RBFOX1: variants seen among roughly 807,000 people sequenced by gnomAD.
RBFOX1 encodes the protein RNA binding protein fox-1 homolog 1.
Under a neutral mutation model 57.7 loss-of-function variants are expected in RBFOX1, and 8 were observed. The ratio of observed to expected loss-of-function variants is 0.14; its 90% CI spans 0.08 to 0.25. The LOEUF (loss-of-function observed/expected upper bound fraction) is 0.25. Among genes scored for constraint, RBFOX1 ranks in the 10% least tolerant of loss-of-function variants. RBFOX1 has a pLI of 1.00. For missense variants in RBFOX1, 611 were observed against 548.5 expected, an observed-to-expected ratio of 1.11 and a Z score of -1.14; for synonymous variants, 326 against 222.4, an observed-to-expected ratio of 1.47 and a Z score of -4.15.
At chr16:6,156,689 C>T (rs1030403036) in intron 1 of RBFOX1, among the ~76,000 whole-genome samples, 1 of 152,174 alleles carries the variant, frequency 6.6e-6, no homozygotes, top group African/African-American at 2.4e-5. Flanking sequence ...AACTCTGCCA[C>T]TGACCTGAGT....
At chr16:6,924,506 C>T (rs1024019079) in intron 3 of RBFOX1, among the ~76,000 whole-genome samples, 1 of 152,032 alleles carries the variant, frequency 6.6e-6, no homozygotes, top group Admixed American at 6.6e-5. Flanking sequence ...CAAATATTTC[C>T]CTCCAGGCCC....
chr16:6,222,015 C>G (rs78384328), intron 1 of RBFOX1, among the ~76,000 whole-genome samples: 1 of 152,160 alleles, frequency 6.6e-6, no homozygotes, highest in East Asian at 1.9e-4. Flanking sequence ...CCTCATGTCA[C>G]TTTTTAATGA....
In RBFOX1 at chr16:7,149,730, C is replaced by T. The variant is rs148909942; in HGVS notation, c.27+97632C>T. ...CTTATCCTCCTGTGGCTCTTTCCTT[C>T]CCTCTCTACACCCGCCTCTACCCCA... On this transcript the variant is annotated intron_variant, in intron 4 of 15. Coordinates refer to ENST00000550418, the MANE Select transcript of RBFOX1 (RefSeq NM_018723.4). Among the ~76,000 whole-genome samples, 208 of 152,106 alleles carry T rather than the reference C, an allele frequency of 1.4e-3. 1 individual carries two copies. The highest frequency in any genetic ancestry group is 2.6e-3 in the Admixed American group (39 of 15,262).
intron 3 of RBFOX1, among the ~76,000 whole-genome samples, chr16:6,882,203 A>C (rs557340579): frequency 6.6e-6 from 1 of 152,076 alleles, no homozygotes; most frequent in Non-Finnish European, 1.5e-5. Flanking sequence ...TTGGTCCAGC[A>C]ACACTGGGCA....
At chr16:7,371,712 T>C (rs919749501) in intron 4 of RBFOX1, among the ~76,000 whole-genome samples, 1 of 152,124 alleles carries the variant, frequency 6.6e-6, no homozygotes, top group Admixed American at 6.5e-5. Context: ...ATCACGCCAC[T>C]GCACTCCAGC....
chr16:5,750,989 G>C (rs759049553), intron 3 of RBFOX1, among the ~76,000 whole-genome samples: 8 of 152,130 alleles, frequency 5.3e-5, no homozygotes, highest in Non-Finnish European at 1.0e-4. Context: ...TTCCTATTCG[G>C]CAATCTTGGA....
At chr16:6,550,128 C>T (rs56249491) in intron 2 of RBFOX1, among the ~76,000 whole-genome samples, 12,444 of 151,950 alleles carry the variant, frequency 0.082, 1,256 homozygotes, top group African/African-American at 0.24. Context: ...GTTTGGAGTC[C>T]CTCTCCCTCC....
chr16:7,433,108 G>A (rs2098695198), intron 4 of RBFOX1, among the ~76,000 whole-genome samples: 1 of 152,162 alleles, frequency 6.6e-6, no homozygotes, highest in African/African-American at 2.4e-5. Context: ...TGGGGTTGGT[G>A]TGCCCATTGA....
At chr16:6,225,728 A>G (rs756227765) in intron 1 of RBFOX1, among the ~76,000 whole-genome samples, 22 of 152,200 alleles carry the variant, frequency 1.4e-4, no homozygotes, top group Non-Finnish European at 2.9e-4. Flanking sequence ...TTGGTTTTCA[A>G]GTAATGTGGG....
intron 2 of RBFOX1, among the ~76,000 whole-genome samples, chr16:6,340,076 T>G (rs916453576): frequency 2.6e-5 from 4 of 152,170 alleles, no homozygotes; most frequent in South Asian, 4.1e-4. Flanking sequence ...CTAGTGACTT[T>G]CAGTTAGAAG....
At chr16:7,216,458 C>T (rs1446849076) in intron 4 of RBFOX1, among the ~76,000 whole-genome samples, 1 of 152,094 alleles carries the variant, frequency 6.6e-6, no homozygotes, top group Non-Finnish European at 1.5e-5. Context: ...AGTTCTAGAC[C>T]AGTCTGGGAG....
At chr16:6,088,967 A>G (rs1232422387) in intron 1 of RBFOX1, among the ~76,000 whole-genome samples, 2 of 151,794 alleles carry the variant, frequency 1.3e-5, no homozygotes, top group Non-Finnish European at 2.9e-5. Flanking sequence ...GTGGTGGCGC[A>G]TGCCTGTAAT....
intron 2 of RBFOX1, among the ~76,000 whole-genome samples, chr16:6,522,381 T>C (rs2153804630): frequency 6.6e-6 from 1 of 152,320 alleles, no homozygotes; most frequent in East Asian, 1.9e-4. Context: ...GATTAATTTT[T>C]ACCCAAGCTG....
At chr16:6,816,284 G>C (rs765168913) in intron 3 of RBFOX1, among the ~76,000 whole-genome samples, 7 of 152,150 alleles carry the variant, frequency 4.6e-5, no homozygotes, top group Middle Eastern at 3.2e-3. Context: ...ACTCGCACTT[G>C]AGCCACAGGG....
At chr16:6,899,560 C>T (rs1010208491) in intron 3 of RBFOX1, among the ~76,000 whole-genome samples, 4 of 152,180 alleles carry the variant, frequency 2.6e-5, no homozygotes, top group Non-Finnish European at 2.9e-5. Context: ...GATTACAACT[C>T]CATCTCTCAC....
rs570089803 is a variant in RBFOX1, at chr16:7,344,796, G to A, written c.28-173351G>A. ...GTCTGGCTGCAGAGCCCGTCCTCCC[G>A]CAGACCACACAATTCTGCAAAGCTT... On this transcript the variant is annotated intron_variant, in intron 4 of 15. Transcript: ENST00000550418. Among the ~76,000 whole-genome samples the A allele has an allele frequency of 2.8e-4, 43 of 152,316 alleles. No homozygotes were observed. The South Asian group carries it at 8.7e-3, about 31-fold the overall frequency.
At chr16:7,084,662 A>G (rs2059712441) in intron 4 of RBFOX1, among the ~76,000 whole-genome samples, 1 of 152,226 alleles carries the variant, frequency 6.6e-6, no homozygotes, top group Admixed American at 6.5e-5. Context: ...CCAGAGGCTG[A>G]TTGGTCTCCT....
At chr16:7,216,544 G>A (rs1371000715) in intron 4 of RBFOX1, among the ~76,000 whole-genome samples, 1 of 152,126 alleles carries the variant, frequency 6.6e-6, no homozygotes, top group Non-Finnish European at 1.5e-5. Context: ...TAAATATAAT[G>A]ATAGGAGTAA....
chr16:7,165,419 CATT>C (rs35907316), intron 4 of RBFOX1, among the ~76,000 whole-genome samples: 4 of 48,396 alleles, frequency 8.3e-5, no homozygotes, highest in South Asian at 5.2e-4. Context: ...TGATAATAAT[CATT>C]ATTATTATTA....
Sources: allele counts gnomAD v4.1 joint callset (sites outside exome capture counted in the v4.1 genomes callset), GRCh38; gene constraint gnomAD v4.1.1; transcripts MANE v1.5; gene names NCBI Gene and HGNC (gene_info 2026-07-23, HGNC 2026-07-21).